Variants in FNDC3B observed in about 807,000 individuals in gnomAD.
The protein encoded by FNDC3B is fibronectin type III domain containing 3B.
In FNDC3B, 12 loss-of-function variants were observed where a neutral mutation model predicts 151.5. That is an observed-to-expected ratio of 0.08 (90% CI 0.05 to 0.13). The LOEUF is 0.13. Among genes scored for constraint, FNDC3B ranks in the 10% least tolerant of loss-of-function variants. The pLI is 1.00. For missense variants in FNDC3B, 1,214 were observed against 1,505.3 expected, an observed-to-expected ratio of 0.81 and a Z score of 3.20; for synonymous variants, 528 against 549.0, an observed-to-expected ratio of 0.96 and a Z score of 0.54.
chr3:172,114,164 C>T (rs1720127645), intron 2 of FNDC3B, among the ~76,000 whole-genome samples: 1 of 152,138 alleles, frequency 6.6e-6, no homozygotes, highest in African/African-American at 2.4e-5. Flanking sequence ...GCCTGGCTGC[C>T]AGCCTTCCGT....
chr3:172,362,486 G>T, intron 22 of FNDC3B, 147 bp from the exon 23 acceptor site: 1 of 670,526 alleles, frequency 1.5e-6, no homozygotes, highest in South Asian at 1.9e-5. Context: ...GCTTCTATTT[G>T]TCTTGAGTTA....
chr3:172,277,962 T>C (rs1274467356), intron 6 of FNDC3B, among the ~76,000 whole-genome samples: 2 of 152,238 alleles, frequency 1.3e-5, no homozygotes, highest in Non-Finnish European at 2.9e-5. Context: ...GGTAATGACT[T>C]TTTCATATGC....
intron 6 of FNDC3B, among the ~76,000 whole-genome samples, chr3:172,255,627 G>A (rs1728296305): frequency 1.3e-5 from 2 of 152,074 alleles, no homozygotes; most frequent in Admixed American, 1.3e-4. Flanking sequence ...GGCTGGCCTT[G>A]ACTCCTGGTC....
Position 172,100,432 on chromosome 3 carries a change from C to A in FNDC3B, c.-28-12020C>A, listed in dbSNP as rs111578159. 5.8e-3 allele frequency among the ~76,000 whole-genome samples: 887 copies of A among 152,240 alleles called. 5 individuals are homozygous for A. The highest frequency in any genetic ancestry group is 0.02 in the African/African-American group (835 of 41,536). On this transcript the variant is annotated intron_variant, in intron 1 of 25. Coordinates refer to ENST00000415807, the MANE Select transcript of FNDC3B (RefSeq NM_022763.4). The stretch of plus-strand genomic sequence containing the variant: ...TATCATTCTTATCTATTAAATAAAA[C>A]AAATCTCCTTAATTCTCTGGTGTGC...
At chr3:172,335,201 T>G in intron 15 of FNDC3B, 119 bp downstream of exon 15, 1 of 1,029,582 alleles carries the variant, frequency 9.7e-7, no homozygotes, top group Non-Finnish European at 1.4e-6. Context: ...TTGCAGAAGT[T>G]TTCTGCATTC....
At chr3:172,147,821 T>C (rs1721996130) in intron 3 of FNDC3B, among the ~76,000 whole-genome samples, 1 of 152,046 alleles carries the variant, frequency 6.6e-6, no homozygotes, top group African/African-American at 2.4e-5. Flanking sequence ...TTACAGAAGT[T>C]GTACCCTTAA....
chr3:172,345,318 G>T (rs756518316), intron 19 of FNDC3B, among the ~76,000 whole-genome samples: 1 of 152,294 alleles, frequency 6.6e-6, no homozygotes, highest in African/African-American at 2.4e-5. Context: ...GCACACTGTT[G>T]TGTCTACCCC....
At chr3:172,262,019 A>G (rs1436261904) in intron 6 of FNDC3B, among the ~76,000 whole-genome samples, 2 of 152,208 alleles carry the variant, frequency 1.3e-5, no homozygotes, top group African/African-American at 2.4e-5. Context: ...AGACTGGAAA[A>G]TAACGAGACT....
chr3:172,343,939 T>G, intron 18 of FNDC3B, 147 bp from the exon 19 acceptor site: 1 of 666,356 alleles, frequency 1.5e-6, no homozygotes, highest in Non-Finnish European at 2.6e-6. Context: ...TTATATCTCT[T>G]TTTTGGTGGG....
intron 4 of FNDC3B, among the ~76,000 whole-genome samples, chr3:172,234,597 A>G (rs116789885): frequency 1.3e-5 from 2 of 152,226 alleles, no homozygotes; most frequent in African/African-American, 4.8e-5. Flanking sequence ...TGGCACACTT[A>G]TTGACATTTA....
intron 11 of FNDC3B, among the ~76,000 whole-genome samples, 162 bp from the exon 12 acceptor site, chr3:172,328,790 T>C (rs866294665): frequency 3.3e-5 from 5 of 152,218 alleles, no homozygotes; most frequent in African/African-American, 1.2e-4. Context: ...ATGCTTTATT[T>C]GCAACATGGA....
chr3:172,305,852 G>A (rs908577361), intron 9 of FNDC3B, among the ~76,000 whole-genome samples: 8 of 152,040 alleles, frequency 5.3e-5, no homozygotes, highest in East Asian at 1.9e-4. Context: ...CCTGACACAG[G>A]GAAATGATCT....
chr3:172,178,667 G>A (rs1029535544), intron 3 of FNDC3B, among the ~76,000 whole-genome samples: 1 of 152,186 alleles, frequency 6.6e-6, no homozygotes, highest in Admixed American at 6.5e-5. Context: ...GCATCCCTGG[G>A]ACCCCACATT....
intron 1 of FNDC3B, among the ~76,000 whole-genome samples, chr3:172,088,628 G>A (rs1316387088): frequency 1.3e-5 from 2 of 152,128 alleles, no homozygotes; most frequent in East Asian, 1.9e-4. Context: ...TTTATAAGAT[G>A]TATATTTCAA....
intron 6 of FNDC3B, among the ~76,000 whole-genome samples, chr3:172,277,059 C>T (rs889606885): frequency 6.6e-6 from 1 of 152,116 alleles, no homozygotes; most frequent in Non-Finnish European, 1.5e-5. Flanking sequence ...TCCTTGTTCT[C>T]AGGAAAGAAA....
At chr3:172,064,846 A>G (rs1464195690) in intron 1 of FNDC3B, among the ~76,000 whole-genome samples, 1 of 152,234 alleles carries the variant, frequency 6.6e-6, no homozygotes, top group Non-Finnish European at 1.5e-5. Context: ...GGCGCATAGT[A>G]GGCTCTCCAT....
At chr3:172,304,848 G>A (rs1273720067) in intron 9 of FNDC3B, among the ~76,000 whole-genome samples, 2 of 148,062 alleles carry the variant, frequency 1.4e-5, no homozygotes, top group African/African-American at 5.0e-5. Flanking sequence ...AGTAAGCTGA[G>A]ATCATGCCAT....
chr3:172,246,605 A>T (rs1454156067), intron 4 of FNDC3B, among the ~76,000 whole-genome samples: 2 of 152,292 alleles, frequency 1.3e-5, no homozygotes, highest in East Asian at 1.9e-4. Flanking sequence ...CATTCAGAGG[A>T]GCTGGGCACG....
intron 3 of FNDC3B, among the ~76,000 whole-genome samples, chr3:172,185,042 A>G (rs1356961132): frequency 2.0e-5 from 3 of 152,156 alleles, no homozygotes; most frequent in Non-Finnish European, 4.4e-5. Context: ...CATTAAAAAT[A>G]TTTTTTCAAG....
Sources: allele counts gnomAD v4.1 joint callset (sites outside exome capture counted in the v4.1 genomes callset), GRCh38; gene constraint gnomAD v4.1.1; transcripts MANE v1.5; gene names NCBI Gene and HGNC (gene_info 2026-07-23, HGNC 2026-07-21).